The following MET variants were observed in gnomAD, a reference collection of about 807,000 sequenced individuals.
MET encodes the protein MET proto-oncogene, receptor tyrosine kinase, also known as hepatocyte growth factor receptor.
Under a neutral mutation model 133.1 loss-of-function variants are expected in MET, and 48 were observed. The ratio of observed to expected loss-of-function variants is 0.36; its 90% CI spans 0.29 to 0.46. MET has a LOEUF of 0.46. Among genes scored for constraint, MET ranks in the 20% least tolerant of loss-of-function variants. The pLI is 1.00. For missense variants in MET, 1,442 were observed against 1,695.9 expected, an observed-to-expected ratio of 0.85 and a Z score of 2.63; for synonymous variants, 628 against 616.5, an observed-to-expected ratio of 1.02 and a Z score of -0.28.
chr7:116,742,774 C>T lies in MET; in HGVS notation c.1701+1749C>T, dbSNP rs542251070. On this transcript the variant is annotated intron_variant, in intron 5 of 20. Coordinates refer to ENST00000397752, the MANE Select transcript of MET (RefSeq NM_000245.4). ...TATAGTTGATGATTCTCAAAGGTTGCGTGCTACCATGCACAAGTCAGTGAG... is the reference window on the plus strand; with the variant it reads ...TATAGTTGATGATTCTCAAAGGTTGTGTGCTACCATGCACAAGTCAGTGAG... Among the ~76,000 whole-genome samples the T allele has an allele frequency of 6.6e-5, 10 of 152,292 alleles. No homozygotes were observed. The East Asian group carries it at 1.2e-3, about 18-fold the overall frequency.
chr7:116,710,557 A>G (rs576448782), intron 2 of MET, among the ~76,000 whole-genome samples: 98 of 152,268 alleles, frequency 6.4e-4, no homozygotes, highest in African/African-American at 2.2e-3. Context: ...TCCTGTCTCC[A>G]TTTGTTTTTA....
intron 10 of MET, among the ~76,000 whole-genome samples, chr7:116,760,612 A>T (rs1262206087): frequency 6.6e-6 from 1 of 152,152 alleles, no homozygotes; most frequent in African/African-American, 2.4e-5. Flanking sequence ...ACTTCCTTTT[A>T]GATTCTCCAT....
intron 2 of MET, among the ~76,000 whole-genome samples, chr7:116,722,155 G>A (rs2116717252): frequency 6.6e-6 from 1 of 151,940 alleles, no homozygotes; most frequent in Non-Finnish European, 1.5e-5. Context: ...CTTGCTTTAT[G>A]AATCTGGGTA....
chr7:116,699,169 G>T lies in MET; in HGVS notation c.85G>T (p.Ala29Ser), dbSNP rs765246117. The T allele has an allele frequency of 6.2e-7, 1 of 1,613,914 alleles. No homozygotes were observed. The highest frequency in any genetic ancestry group is 8.5e-7 in the Non-Finnish European group (1 of 1,179,896). ...GAGGAGCAATGGGGAGTGTAAAGAG[G>T]CACTAGCAAAGTCCGAGATGAATGT... ...VQRSNGECKE[A>S]LAKSEMNVNM... Residue 29 changes from alanine to serine, a missense_variant, in exon 2 of 21, where the codon GCA (alanine) becomes TCA (serine). Physicochemically the swap from Ala to Ser is moderately conservative, Grantham distance 99. Transcript: ENST00000397752.
intron 12 of MET, among the ~76,000 whole-genome samples, chr7:116,770,244 G>A (rs1186244987): frequency 4.6e-5 from 7 of 152,082 alleles, no homozygotes; most frequent in Admixed American, 2.6e-4. Context: ...AACTTTTTTC[G>A]TGTAGACAAC....
At chr7:116,709,550 A>T (rs1427039058) in intron 2 of MET, among the ~76,000 whole-genome samples, 1 of 151,886 alleles carries the variant, frequency 6.6e-6, no homozygotes, top group African/African-American at 2.4e-5. Flanking sequence ...CTTTGTGTTC[A>T]TTTTTTTTAT....
intron 2 of MET, among the ~76,000 whole-genome samples, chr7:116,730,081 A>G (rs905409321): frequency 6.6e-6 from 1 of 152,156 alleles, no homozygotes; most frequent in African/African-American, 2.4e-5. Context: ...AAATGATATT[A>G]TGAGAATCTA....
intron 2 of MET, among the ~76,000 whole-genome samples, chr7:116,716,510 AAAGAAAGAAAGAAAG>A (rs1385437846): frequency 6.6e-6 from 1 of 151,550 alleles, no homozygotes; most frequent in East Asian, 1.9e-4. Flanking sequence ...AGAAAGAAAG[AAAGAAAGAAAGAAAG>A]AAAGAAAGAA....
At chr7:116,774,810 C>T (rs1223250156) in intron 14 of MET, 71 bp from the exon 15 acceptor site, 2 of 1,155,960 alleles carry the variant, frequency 1.7e-6, no homozygotes, top group Middle Eastern at 2.1e-4. Context: ...ATTATAAAAG[C>T]TCTTCCTGTT....
intron 2 of MET, among the ~76,000 whole-genome samples, chr7:116,730,521 G>A (rs1792962717): frequency 1.3e-5 from 2 of 152,160 alleles, no homozygotes; most frequent in South Asian, 4.1e-4. Flanking sequence ...GGATGTGGTG[G>A]GTCTAGTTAA....
In MET at chr7:116,774,868, C is replaced by A. The variant is rs2117029271; in HGVS notation, c.3029-13C>A. The A allele has an allele frequency of 6.2e-7, 1 of 1,608,672 alleles. No individual in the cohort carries two copies. Among genetic ancestry groups the A allele is most frequent in the Non-Finnish European group, 8.5e-7 (1 of 1,175,446 alleles). ...TTACTGTTGTTCTTTAATAATTTTC[C>A]TTCATCTTACAGATCAGTTTCCTAA... On this transcript the variant is annotated splice_polypyrimidine_tract_variant and intron_variant, in intron 14 of 20. Transcript: ENST00000397752.
chr7:116,741,226 G>C, intron 5 of MET: 1 of 616,070 alleles, frequency 1.6e-6, no homozygotes. Flanking sequence ...GCAGGGAGGG[G>C]GTGGTGTTTG....
At chr7:116,780,051 C>G (rs1473797220) in intron 17 of MET, among the ~76,000 whole-genome samples, 1 of 152,202 alleles carries the variant, frequency 6.6e-6, no homozygotes, top group Non-Finnish European at 1.5e-5. Context: ...ACTGCTGTGG[C>G]TCCAACACCT....
At chr7:116,777,364 T>C (rs1185584399) in intron 15 of MET, 25 bp from the exon 16 acceptor site, 3 of 1,595,248 alleles carry the variant, frequency 1.9e-6, no homozygotes, top group Non-Finnish European at 2.6e-6. Context: ...TACGCAGTGC[T>C]AACCAAGTTC....
At chr7:116,725,078 T>C (rs536309776) in intron 2 of MET, among the ~76,000 whole-genome samples, 30 of 152,290 alleles carry the variant, frequency 2.0e-4, no homozygotes, top group African/African-American at 7.0e-4. Context: ...AGAGTGTGGG[T>C]TGGCCTTCCT....
At chr7:116,727,864 G>A (rs6969853) in intron 2 of MET, among the ~76,000 whole-genome samples, 1 of 152,200 alleles carries the variant, frequency 6.6e-6, no homozygotes, top group Non-Finnish European at 1.5e-5. Context: ...TAATGAATCA[G>A]ACTGAGATTT....
intron 6 of MET, among the ~76,000 whole-genome samples, chr7:116,756,057 G>C (rs560279523): frequency 1.3e-5 from 2 of 152,206 alleles, no homozygotes; most frequent in South Asian, 4.2e-4. Context: ...CCATCCCCAC[G>C]GTCCTGGGAG....
chr7:116,701,247 C>A (rs191690926), intron 2 of MET, among the ~76,000 whole-genome samples: 43 of 152,228 alleles, frequency 2.8e-4, no homozygotes, highest in African/African-American at 9.9e-4. Context: ...CTATGACCAT[C>A]ATTGAATGAA....
chr7:116,708,787 T>C (rs1310598349), intron 2 of MET, among the ~76,000 whole-genome samples: 2 of 152,138 alleles, frequency 1.3e-5, no homozygotes, highest in Admixed American at 6.6e-5. Context: ...GGCCAACCCT[T>C]GGGACCCCGT....
Sources: allele counts gnomAD v4.1 joint callset (sites outside exome capture counted in the v4.1 genomes callset), GRCh38; gene constraint gnomAD v4.1.1; transcripts MANE v1.5; gene names NCBI Gene and HGNC (gene_info 2026-07-23, HGNC 2026-07-21).